The following CPNE4 variants were observed in gnomAD, a reference collection of about 807,000 sequenced individuals.
CPNE4 encodes the protein copine-4.
Under a neutral mutation model 67.9 loss-of-function variants are expected in CPNE4, and 25 were observed. The ratio of observed to expected loss-of-function variants is 0.37; its 90% CI spans 0.27 to 0.51. CPNE4 has a LOEUF of 0.51. Among genes scored for constraint, CPNE4 ranks in the 20% least tolerant of loss-of-function variants. CPNE4 has a pLI of 0.93. For synonymous variants in CPNE4, 242 were observed against 244.9 expected (o/e 0.99, Z 0.11); for missense variants, 464 against 690.8 (o/e 0.67, Z 3.68).
intron 1 of CPNE4, among the ~76,000 whole-genome samples, chr3:131,984,757 A>T (rs895863395): frequency 1.3e-5 from 2 of 152,210 alleles, no homozygotes; most frequent in East Asian, 3.8e-4. Flanking sequence ...TTGATGACTG[A>T]TAGGAGTTGG....
intron 3 of CPNE4, among the ~76,000 whole-genome samples, chr3:131,717,869 C>CTTTTCT (rs1319362867): frequency 2.2e-5 from 1 of 45,134 alleles, no homozygotes. Flanking sequence ...TCCTTTCTTT[C>CTTTTCT]TTTCTTTTCT....
At chr3:132,001,228 G>A (rs529993027) in intron 1 of CPNE4, among the ~76,000 whole-genome samples, 1 of 151,952 alleles carries the variant, frequency 6.6e-6, no homozygotes, top group African/African-American at 2.4e-5. Context: ...AGAACAGAAG[G>A]TCAGCTAGGT....
At chr3:131,929,977 T>C (rs577405479) in intron 1 of CPNE4, among the ~76,000 whole-genome samples, 5 of 152,304 alleles carry the variant, frequency 3.3e-5, no homozygotes, top group African/African-American at 1.2e-4. Context: ...GGTCCTCTTG[T>C]CTGCAAGTGC....
At chr3:131,744,108 T>A (rs1215868010) in intron 2 of CPNE4, among the ~76,000 whole-genome samples, 1 of 151,946 alleles carries the variant, frequency 6.6e-6, no homozygotes, top group South Asian at 2.1e-4. Context: ...TGCAGATATA[T>A]TTTTTAAAAT....
At chr3:131,978,100 A>AATATATATAAATATATATAAATATATAT (rs2107629501) in intron 1 of CPNE4, among the ~76,000 whole-genome samples, 1 of 56,300 alleles carries the variant, frequency 1.8e-5, no homozygotes, top group African/African-American at 1.0e-4. Context: ...TATATATATA[A>AATATATATAAATATATATAAATATATAT]ATATATATAA....
chr3:131,736,206 A>G (rs559137307), intron 2 of CPNE4, among the ~76,000 whole-genome samples: 1 of 152,316 alleles, frequency 6.6e-6, no homozygotes, highest in African/African-American at 2.4e-5. Flanking sequence ...CGGTGGCCCA[A>G]TGACTGGCAT....
intron 1 of CPNE4, among the ~76,000 whole-genome samples, chr3:131,981,583 G>C (rs528355614): frequency 3.6e-4 from 55 of 152,276 alleles, no homozygotes; most frequent in Middle Eastern, 3.4e-3. Context: ...CACCAGATTT[G>C]TGCCCTCCCC....
intron 15 of CPNE4, among the ~76,000 whole-genome samples, chr3:131,540,056 C>T (rs1329029247): frequency 6.6e-6 from 1 of 152,134 alleles, no homozygotes; most frequent in Non-Finnish European, 1.5e-5. Context: ...TTAATGAGTA[C>T]CTTTATTTGA....
chr3:131,575,991 A>G (rs76914434), intron 9 of CPNE4, among the ~76,000 whole-genome samples: 5,520 of 152,174 alleles, frequency 0.036, 296 homozygotes, highest in African/African-American at 0.12. Context: ...TTATTCAACA[A>G]TTATTTATTG....
chr3:131,615,919 A>ACG (rs950931640), intron 7 of CPNE4, among the ~76,000 whole-genome samples: 1 of 93,688 alleles, frequency 1.1e-5, no homozygotes, highest in African/African-American at 1.0e-4. Context: ...ACACACACAC[A>ACG]CACACACACG....
chr3:131,806,549 CAAAAAAA>C (rs58302207), intron 2 of CPNE4, among the ~76,000 whole-genome samples: 7 of 72,964 alleles, frequency 9.6e-5, no homozygotes, highest in African/African-American at 2.8e-4. Context: ...GACTCCGTCT[CAAAAAAA>C]AAAAAAAAAA....
chr3:131,686,984 A>G (rs1009929501), intron 5 of CPNE4, among the ~76,000 whole-genome samples: 2 of 152,144 alleles, frequency 1.3e-5, no homozygotes, highest in African/African-American at 4.8e-5. Flanking sequence ...TTTTTAAACT[A>G]GGCTTCCCAG....
intron 7 of CPNE4, among the ~76,000 whole-genome samples, chr3:131,656,966 G>A (rs950976658): frequency 1.3e-5 from 2 of 152,170 alleles, no homozygotes; most frequent in Non-Finnish European, 2.9e-5. Context: ...AGCTACTTGA[G>A]CCTGTTAAGA....
At chr3:131,702,321 C>T (rs73218455) in intron 3 of CPNE4, among the ~76,000 whole-genome samples, 4,796 of 152,226 alleles carry the variant, frequency 0.032, 112 homozygotes, top group East Asian at 0.1. Context: ...GTATGCTAGA[C>T]TTGGTGGTAG....
At chr3:131,690,427 T>C (rs1461541856) in intron 5 of CPNE4, among the ~76,000 whole-genome samples, 2 of 151,856 alleles carry the variant, frequency 1.3e-5, no homozygotes, top group African/African-American at 2.4e-5. Flanking sequence ...TTGACAAAAA[T>C]AAGAAATGAA....
Position 131,903,133 on chromosome 3 carries a change from G to A in CPNE4, c.180+2131C>T, listed in dbSNP as rs143536652. 2.0e-5 allele frequency among the ~76,000 whole-genome samples: 3 copies of A among 152,132 alleles called. No homozygotes were observed. The East Asian group carries it at 5.8e-4, about 30-fold the overall frequency. On this transcript the variant is annotated intron_variant, in intron 2 of 15. Coordinates refer to ENST00000429747, the MANE Select transcript of CPNE4 (RefSeq NM_130808.3). ...TCTTTTGAACCTTCTTTCTCCTATA[G>A]AGTGGAAGACTGTCTCTTAGAGGGA...
At chr3:131,917,834 C>A (rs2070612078) in intron 1 of CPNE4, among the ~76,000 whole-genome samples, 1 of 152,132 alleles carries the variant, frequency 6.6e-6, no homozygotes, top group Admixed American at 6.6e-5. Flanking sequence ...GGAAATCTGG[C>A]AGATGCCTTG....
chr3:131,763,991 C>A (rs2082950024), intron 2 of CPNE4, among the ~76,000 whole-genome samples: 1 of 152,030 alleles, frequency 6.6e-6, no homozygotes, highest in Non-Finnish European at 1.5e-5. Flanking sequence ...ATTTAATCCT[C>A]ATAACAACCC....
intron 2 of CPNE4, among the ~76,000 whole-genome samples, chr3:131,876,437 T>C (rs1432233454): frequency 6.6e-6 from 1 of 151,334 alleles, no homozygotes; most frequent in Non-Finnish European, 1.5e-5. Context: ...GGTCAGGAGA[T>C]CGAGACCATC....
Sources: gnomAD v4.1 joint callset for allele counts (sites outside exome capture counted in the v4.1 genomes callset) on GRCh38, gnomAD v4.1.1 for gene constraint, MANE v1.5 for transcripts, NCBI Gene and HGNC (gene_info 2026-07-23, HGNC 2026-07-21) for gene names.